SCAF4: variants seen among roughly 807,000 people sequenced by gnomAD.
SCAF4 encodes SR-related CTD associated factor 4.
SCAF4 carries 25 observed loss-of-function variants against 129.8 expected under a neutral mutation model. The ratio of observed to expected loss-of-function variants is 0.19; its 90% CI spans 0.14 to 0.27. The LOEUF (loss-of-function observed/expected upper bound fraction) is 0.27. Among genes scored for constraint, SCAF4 ranks in the 10% least tolerant of loss-of-function variants. The pLI is 1.00. For missense variants in SCAF4, 1,246 were observed against 1,457.1 expected (o/e 0.86, Z 2.36); for synonymous variants, 551 against 497.7 (o/e 1.11, Z -1.43).
chr21:31,690,948 G>C lies in SCAF4; in HGVS notation c.1734C>G (p.Ala578=), dbSNP rs2050246229. 6.2e-7 allele frequency: 1 copy of C among 1,604,276 alleles called. No individual in the cohort carries two copies. The highest frequency in any genetic ancestry group is 8.5e-7 in the Non-Finnish European group (1 of 1,176,146). ...YKVNQKSIKI[A]WALNKGIKAD... ...CCTTTATTCCTTTGTTTAAGGCCCA[G>C]GCAATCTATTTCACCATTAGTGAAA... The change falls in exon 15 of 20, where the codon GCC becomes GCG. Residue 578 remains alanine, a synonymous_variant. Transcript: ENST00000286835.
intron 1 of SCAF4, chr21:31,712,936 C>A (rs968333081): frequency 2.2e-6 from 2 of 890,436 alleles, no homozygotes; most frequent in Non-Finnish European, 2.7e-6. Flanking sequence ...ATGTCTTGGT[C>A]TCTAACTCCT....
Position 31,694,847 on chromosome 21 carries a change from T to C in SCAF4, c.1202A>G (p.Gln401Arg). 1 of 1,614,224 alleles carries C rather than the reference T, an allele frequency of 6.2e-7. No homozygotes were observed. The highest frequency in any genetic ancestry group is 8.5e-7 in the Non-Finnish European group (1 of 1,180,018). ...CGGCTTCTGTGTAAGTGGTTCATTT[T>C]GTGCCTGAAAAGAAGCTTGGAAAGG... The part of the protein sequence containing the change: ...QQPFQASFQA[Q>R]NEPLTQKPHQ... Residue 401 changes from glutamine (Q) to arginine (R), a missense_variant, in exon 10 of 20, where the codon CAA becomes CGA. Coordinates refer to ENST00000286835, the MANE Select transcript of SCAF4 (RefSeq NM_020706.2).
intron 19 of SCAF4, among the ~76,000 whole-genome samples, chr21:31,672,951 C>T (rs2049749514): frequency 6.6e-6 from 1 of 152,226 alleles, no homozygotes; most frequent in Non-Finnish European, 1.5e-5. Flanking sequence ...AAGATCCATA[C>T]ACAAATGTGA....
At position 31,731,922 on chromosome 21, in the gene SCAF4, A is replaced by T. The variant is rs2051373185; in HGVS notation, c.-230T>A. ...TCAGTCCCGTTCGCAGGATGAGGAA[A>T]AGGAGGCGGCGGCAGCGCTGGTCTT... On this transcript the variant is annotated 5_prime_UTR_variant, in exon 1 of 20. Coordinates refer to ENST00000286835, the MANE Select transcript of SCAF4 (RefSeq NM_020706.2). 1 of 488,744 alleles carries T rather than the reference A, an allele frequency of 2.0e-6. No homozygotes were observed. Among genetic ancestry groups the T allele is most frequent in the African/African-American group, 2.0e-5 (1 of 48,844 alleles). 30.3% of individuals were successfully genotyped at this position (488,744 alleles called of 1,614,324 possible). A position where few individuals can be genotyped will look rare whatever the true frequency, so the allele number is the denominator to read the frequency against.
At chr21:31,698,739 G>C (rs2050448291) in intron 7 of SCAF4, among the ~76,000 whole-genome samples, 1 of 146,476 alleles carries the variant, frequency 6.8e-6, no homozygotes. Context: ...CCTCAGCAGT[G>C]CAACAGAGAA....
intron 11 of SCAF4, 31 bp from the exon 12 acceptor site, chr21:31,693,515 A>G: frequency 7.2e-7 from 1 of 1,394,722 alleles, no homozygotes; most frequent in Non-Finnish European, 9.5e-7. Context: ...GAGAATGCAT[A>G]GCATATAGAC....
rs144595324 is a variant in SCAF4 at position 31,677,974 on chromosome 21, C to T, written c.2489-5620G>A. ...TTTCTGGCACGTGGAACTATGTCTACCTTAGTCTCACAGCATCATATTCTT... is the reference window on the plus strand; with the variant it reads ...TTTCTGGCACGTGGAACTATGTCTATCTTAGTCTCACAGCATCATATTCTT... On this transcript the variant is annotated intron_variant, in intron 19 of 19. Transcript: ENST00000286835. Among the ~76,000 whole-genome samples, 23 of 152,258 alleles carry T rather than the reference C, an allele frequency of 1.5e-4. No homozygotes were observed. The East Asian group carries it at 4.2e-3, about 28-fold the overall frequency.
intron 1 of SCAF4, among the ~76,000 whole-genome samples, chr21:31,716,076 G>A (rs1296415154): frequency 2.0e-5 from 3 of 152,120 alleles, no homozygotes; most frequent in Non-Finnish European, 4.4e-5. Context: ...AAATAAAGTT[G>A]CCGAGGCAAT....
chr21:31,727,789 TA>T (rs796231904), intron 1 of SCAF4, among the ~76,000 whole-genome samples: 313 of 143,360 alleles, frequency 2.2e-3, no homozygotes, highest in Non-Finnish European at 2.0e-3. Flanking sequence ...GTCTCCACCT[TA>T]AAAAAAAAAA....
chr21:31,673,940 A>G (rs1166430228), intron 19 of SCAF4, among the ~76,000 whole-genome samples: 2 of 152,232 alleles, frequency 1.3e-5, no homozygotes, highest in Non-Finnish European at 2.9e-5. Flanking sequence ...GTGCCTATCT[A>G]TAGGTTCAAG....
intron 19 of SCAF4, chr21:31,684,821 T>C: frequency 1.9e-6 from 1 of 531,316 alleles, no homozygotes; most frequent in Non-Finnish European, 3.4e-6. Flanking sequence ...AAACATGATT[T>C]TGTCTTTGAG....
chr21:31,706,406 G>C (rs2050663811), intron 1 of SCAF4, 49 bp from the exon 2 acceptor site: 1 of 1,259,340 alleles, frequency 7.9e-7, no homozygotes, highest in African/African-American at 1.5e-5. Flanking sequence ...TATTTGGCTA[G>C]TAAATAAGCA....
rs2123538435 is a variant in SCAF4, at chr21:31,693,357, G to A, written c.1450C>T (p.Arg484Ter). 6.5e-7 allele frequency: 1 copy of A among 1,548,024 alleles called. No individual in the cohort carries two copies. The highest frequency in any genetic ancestry group is 8.8e-7 in the Non-Finnish European group (1 of 1,134,542). Reference sequence around the variant, plus strand: ...TGTCGACGTTCTCTCTCTTTTTCTCGATCCCGTCTTTCTTGAGATCGAGAT... The same window carrying A: ...TGTCGACGTTCTCTCTCTTTTTCTCAATCCCGTCTTTCTTGAGATCGAGAT... ...PRSRSQERRD[R>*]EKERERRQKG... The change falls in exon 12 of 20, where the codon CGA becomes TGA. Residue 484 changes from arginine (R) to a stop codon, truncating the protein, a stop_gained. Coordinates refer to ENST00000286835, the MANE Select transcript of SCAF4 (RefSeq NM_020706.2). LOFTEE classifies it high-confidence loss of function.
intron 7 of SCAF4, among the ~76,000 whole-genome samples, chr21:31,698,786 T>A (rs1295448098): frequency 2.6e-5 from 4 of 152,218 alleles, no homozygotes; most frequent in African/African-American, 9.7e-5. Flanking sequence ...ATCCTGCAAA[T>A]TCAGACTCAG....
At chr21:31,705,040 A>G (rs1221011949) in intron 3 of SCAF4, among the ~76,000 whole-genome samples, 1 of 152,206 alleles carries the variant, frequency 6.6e-6, no homozygotes. Flanking sequence ...TGAACTGAAA[A>G]TAATTTTATT....
intron 1 of SCAF4, among the ~76,000 whole-genome samples, chr21:31,731,245 C>A (rs1230625941): frequency 2.0e-5 from 3 of 152,204 alleles, no homozygotes; most frequent in Non-Finnish European, 4.4e-5. Context: ...CCCGCTCCCC[C>A]GCCCCCAACC....
At position 31,690,749 on chromosome 21, in the gene SCAF4, C is replaced by G. The variant is rs751625178; in HGVS notation, c.1885+48G>C. ...CAGGACATTCGATTTGTCATATGTACTACCAAGCAAATAAGTGAACTGTAA... is the reference window on the plus strand; with the variant it reads ...CAGGACATTCGATTTGTCATATGTAGTACCAAGCAAATAAGTGAACTGTAA... On this transcript the variant is annotated intron_variant, in intron 15 of 19. Coordinates refer to ENST00000286835, the MANE Select transcript of SCAF4 (RefSeq NM_020706.2). The G allele has an allele frequency of 9.0e-6, 14 of 1,555,132 alleles. No homozygotes were observed. The African/African-American group carries it at 1.8e-4, about 20-fold the overall frequency.
chr21:31,683,650 G>A (rs1189045451), intron 19 of SCAF4, among the ~76,000 whole-genome samples: 1 of 151,982 alleles, frequency 6.6e-6, no homozygotes, highest in African/African-American at 2.4e-5. Context: ...TGTGTATGTG[G>A]GATGTGAAGA....
rs750594194 is a variant in SCAF4 at position 31,696,580 on chromosome 21, TGGA to T, written c.945_947del (p.Pro316del). ...AAAAAAAAACTAACAATGGTGCCTGTGGAGGAGGAGGAGAGGCAGCAGCGGGTG... is the reference window on the plus strand; with the variant it reads ...AAAAAAAAACTAACAATGGTGCCTGTGGAGGAGGAGAGGCAGCAGCGGGTG... On this transcript the variant is annotated inframe_deletion, in exon 8 of 20. Coordinates refer to ENST00000286835, the MANE Select transcript of SCAF4 (RefSeq NM_020706.2). 95 of 1,580,282 alleles carry T rather than the reference TGGA, an allele frequency of 6.0e-5. No homozygotes were observed. Among genetic ancestry groups the T allele is most frequent in the Non-Finnish European group, 7.0e-5 (82 of 1,167,832 alleles).
Sources: gnomAD v4.1 joint callset for allele counts (sites outside exome capture counted in the v4.1 genomes callset) on GRCh38, gnomAD v4.1.1 for gene constraint, MANE v1.5 for transcripts, NCBI Gene and HGNC (gene_info 2026-07-23, HGNC 2026-07-21) for gene names.